Variants in ADK observed in about 807,000 individuals in gnomAD.
ADK encodes N6,N6-dimethyladenosine kinase.
In ADK, 24 loss-of-function variants were observed where a neutral mutation model predicts 44.7. That is an observed-to-expected ratio of 0.54 (90% CI 0.39 to 0.76). The LOEUF (loss-of-function observed/expected upper bound fraction) is 0.76. ADK is among the 30% of genes least tolerant of loss of function. The pLI, the probability that ADK is intolerant of heterozygous loss-of-function variation, is 0.00. For synonymous variants in ADK, 128 were observed against 142.6 expected (o/e 0.90, Z 0.73); for missense variants, 321 against 425.1 (o/e 0.76, Z 2.15).
At chr10:74,556,060 GTGAAGGTTTATTAA>G (rs1419685924) in intron 7 of ADK, among the ~76,000 whole-genome samples, 2 of 152,208 alleles carry the variant, frequency 1.3e-5, no homozygotes, top group Non-Finnish European at 2.9e-5. Flanking sequence ...ATTAAAAGGA[GTGAAGGTTTATTAA>G]TGCCACTTTT....
chr10:74,669,215 T>C (rs1855082231), intron 9 of ADK, among the ~76,000 whole-genome samples: 1 of 152,018 alleles, frequency 6.6e-6, no homozygotes, highest in African/African-American at 2.4e-5. Flanking sequence ...CTATGCTCTT[T>C]ATTAATACCT....
intron 6 of ADK, among the ~76,000 whole-genome samples, chr10:74,426,608 A>G (rs1364797562): frequency 3.9e-5 from 6 of 152,078 alleles, no homozygotes; most frequent in Admixed American, 1.3e-4. Context: ...TAGAAGGGAG[A>G]GTGAGGTGGA....
chr10:74,235,519 G>A (rs149254237), intron 3 of ADK, among the ~76,000 whole-genome samples: 1 of 152,156 alleles, frequency 6.6e-6, no homozygotes, highest in African/African-American at 2.4e-5. Context: ...GCCCAGGCTG[G>A]TCTTGAGCTC....
At chr10:74,498,180 C>T (rs369027324) in intron 6 of ADK, among the ~76,000 whole-genome samples, 45 of 152,262 alleles carry the variant, frequency 3.0e-4, no homozygotes, top group African/African-American at 1.0e-3. Flanking sequence ...TGAGCCACTG[C>T]GCCTGGCCAA....
chr10:74,474,469 C>A (rs1275124976), intron 6 of ADK, among the ~76,000 whole-genome samples: 7 of 151,346 alleles, frequency 4.6e-5, no homozygotes, highest in Admixed American at 1.3e-4. Flanking sequence ...CCTTTATTTT[C>A]TTTCTTTCTT....
At chr10:74,210,463 T>C (rs1443196798) in intron 2 of ADK, among the ~76,000 whole-genome samples, 1 of 152,132 alleles carries the variant, frequency 6.6e-6, no homozygotes, top group Non-Finnish European at 1.5e-5. Context: ...AATCTGAGTA[T>C]GCATGAAAGA....
At chr10:74,572,987 CCTT>C (rs1388628135) in intron 7 of ADK, among the ~76,000 whole-genome samples, 1 of 152,198 alleles carries the variant, frequency 6.6e-6, no homozygotes, top group Admixed American at 6.5e-5. Flanking sequence ...TCATCTGAAG[CCTT>C]CTTCTCTCAA....
chr10:74,215,031 T>C (rs1040826492), intron 2 of ADK, among the ~76,000 whole-genome samples: 2 of 152,158 alleles, frequency 1.3e-5, no homozygotes, highest in African/African-American at 4.8e-5. Flanking sequence ...GTTCTCTTTG[T>C]AGGGGCTAGA....
At chr10:74,232,464 G>A (rs1399797352) in intron 3 of ADK, among the ~76,000 whole-genome samples, 1 of 151,138 alleles carries the variant, frequency 6.6e-6, no homozygotes, top group Non-Finnish European at 1.5e-5. Flanking sequence ...TGAGGCTGCA[G>A]TGAGCAAAGA....
chr10:74,532,613 A>C (rs1564777207), intron 7 of ADK, among the ~76,000 whole-genome samples: 1 of 152,166 alleles, frequency 6.6e-6, no homozygotes, highest in Non-Finnish European at 1.5e-5. Flanking sequence ...AAAAGCTATT[A>C]GAACTGGCTG....
Position 74,640,108 on chromosome 10 carries a change from C to G in ADK, c.878-30075C>G, listed in dbSNP as rs529899341. 2.6e-5 allele frequency among the ~76,000 whole-genome samples: 4 copies of G among 152,288 alleles called. No individual in the cohort carries two copies. In the East Asian group the frequency reaches 7.7e-4, roughly 29 times the overall value. Reference sequence around the variant, plus strand: ...ACAGTGATGACTTAATTAACAAATCCTCTTTGAACAAAGCCTCTTCACTCA... The same window carrying G: ...ACAGTGATGACTTAATTAACAAATCGTCTTTGAACAAAGCCTCTTCACTCA... On this transcript the variant is annotated intron_variant, in intron 9 of 10. Transcript: ENST00000539909.
At chr10:74,490,734 G>A (rs139265714) in intron 6 of ADK, among the ~76,000 whole-genome samples, 1 of 152,024 alleles carries the variant, frequency 6.6e-6, no homozygotes, top group African/African-American at 2.4e-5. Context: ...TTTTACCCTC[G>A]GACAAGCCAG....
chr10:74,631,883 G>A (rs1270367956), intron 9 of ADK, among the ~76,000 whole-genome samples: 1 of 152,024 alleles, frequency 6.6e-6, no homozygotes, highest in Non-Finnish European at 1.5e-5. Context: ...TTCCCACCCT[G>A]TTCCCACCTA....
chr10:74,352,384 G>A (rs1451418605), intron 4 of ADK, among the ~76,000 whole-genome samples: 1 of 152,188 alleles, frequency 6.6e-6, no homozygotes, highest in Non-Finnish European at 1.5e-5. Flanking sequence ...GCAGAAAATT[G>A]AACCTGGATC....
intron 1 of ADK, among the ~76,000 whole-genome samples, chr10:74,160,690 G>T (rs117467286): frequency 0.072 from 9,814 of 136,302 alleles, 384 homozygotes; most frequent in Middle Eastern, 0.15. Flanking sequence ...TGCAGGTAGG[G>T]GTGTGTGTGT....
At chr10:74,351,829 A>C (rs936742309) in intron 4 of ADK, among the ~76,000 whole-genome samples, 8 of 152,142 alleles carry the variant, frequency 5.3e-5, no homozygotes, top group Non-Finnish European at 1.0e-4. Flanking sequence ...GCTACAAGAG[A>C]ATAAAATACC....
intron 7 of ADK, among the ~76,000 whole-genome samples, chr10:74,532,844 C>G (rs1272490477): frequency 7.1e-6 from 1 of 140,454 alleles, no homozygotes; most frequent in Non-Finnish European, 1.5e-5. Flanking sequence ...CAGGAGAACC[C>G]AGGAGGCGGA....
chr10:74,278,259 C>G (rs1846776900), intron 3 of ADK, among the ~76,000 whole-genome samples: 1 of 149,342 alleles, frequency 6.7e-6, no homozygotes, highest in Admixed American at 6.9e-5. Flanking sequence ...GAGGCTGAGA[C>G]AGGAGAACTG....
intron 3 of ADK, among the ~76,000 whole-genome samples, chr10:74,270,482 A>G (rs73286205): frequency 0.026 from 4,016 of 152,296 alleles, 159 homozygotes; most frequent in African/African-American, 0.08. Context: ...GAACTGATCC[A>G]GAACTCCTGG....
Sources: gnomAD v4.1 joint callset for allele counts (sites outside exome capture counted in the v4.1 genomes callset) on GRCh38, gnomAD v4.1.1 for gene constraint, MANE v1.5 for transcripts, NCBI Gene and HGNC (gene_info 2026-07-23, HGNC 2026-07-21) for gene names.